RP2: variants seen among roughly 807,000 people sequenced by gnomAD.
The protein encoded by RP2 is protein XRP2.
In RP2, 3 loss-of-function variants were observed where a neutral mutation model predicts 20.3. The observed-to-expected ratio is 0.15, with a 90% CI of 0.07 to 0.38. RP2 has a LOEUF of 0.38. RP2 is among the 10% of genes least tolerant of loss of function. The pLI, the probability that RP2 is intolerant of heterozygous loss-of-function variation, is 1.00. For missense variants in RP2, 233 were observed against 268.5 expected (o/e 0.87, Z 0.92); for synonymous variants, 75 against 94.8 (o/e 0.79, Z 1.22).
intron 2 of RP2, among the ~76,000 whole-genome samples, chrX:46,858,138 C>A (rs1402267661): frequency 8.9e-6 from 1 of 112,007 alleles, no homozygotes; most frequent in Non-Finnish European, 1.9e-5. Context: ...AGGTAAGTAA[C>A]TGATTTTTTT....
At chrX:46,874,315 T>TAC (rs200313106) in intron 3 of RP2, among the ~76,000 whole-genome samples, 7 of 111,777 alleles carry the variant, frequency 6.3e-5, no homozygotes, top group Non-Finnish European at 1.3e-4. Flanking sequence ...CTAACTTAAA[T>TAC]ACACACACAC....
intron 1 of RP2, among the ~76,000 whole-genome samples, chrX:46,846,843 C>A (rs1401146570): frequency 9.0e-6 from 1 of 110,749 alleles, no homozygotes; most frequent in Non-Finnish European, 1.9e-5. Context: ...CCCACTTCAG[C>A]CTCCCAAGTA....
chrX:46,869,977 A>G (rs1459660231), intron 3 of RP2, among the ~76,000 whole-genome samples: 3 of 112,346 alleles, frequency 2.7e-5, no homozygotes, highest in African/African-American at 9.7e-5. Flanking sequence ...ATTCGTTAAC[A>G]TTGAACTCAC....
rs199798885 is a variant in RP2 at position 46,858,644 on chromosome X, A to ATT, written c.769-1336_769-1335dup. On this transcript the variant is annotated intron_variant, in intron 2 of 4. Coordinates refer to ENST00000218340, the MANE Select transcript of RP2 (RefSeq NM_006915.3). ...CACCACCACACCTGGCTAATTTTAA[A>ATT]TTTTTTTTTATAAAGATGGGGTCTT... Among the ~76,000 whole-genome samples the ATT allele has an allele frequency of 1.9e-4, 21 of 108,500 alleles. 1 individual carries two copies. The highest frequency in any genetic ancestry group is 7.1e-4 in the African/African-American group (21 of 29,724). The allele number at this position is 108,500 out of a possible 115,157, so 94.2% of individuals were successfully genotyped here. A position where few individuals can be genotyped will look rare whatever the true frequency, so the allele number is the denominator to read the frequency against.
intron 3 of RP2, among the ~76,000 whole-genome samples, chrX:46,874,578 G>T (rs1309451931): frequency 1.8e-5 from 2 of 110,615 alleles, no homozygotes; most frequent in African/African-American, 3.3e-5. Flanking sequence ...CTCATTGTTT[G>T]CTAAAACATT....
In RP2 at chrX:46,880,880, T is replaced by C. The variant is rs1403877350; in HGVS notation, c.*1111T>C. ...TCAGTCTTCAGGGGAAACTCTGTTT[T>C]AAGGGGTATGTTGTAATCTAAAGTA... On this transcript the variant is annotated 3_prime_UTR_variant, in exon 5 of 5. Transcript: ENST00000218340. The C allele has an allele frequency of 3.6e-5, 4 of 111,563 alleles. No individual in the cohort carries two copies. The highest frequency in any genetic ancestry group is 7.5e-5 in the Non-Finnish European group (4 of 53,110). 9.2% of individuals were successfully genotyped at this position (111,563 alleles called of 1,213,427 possible). A position where few individuals can be genotyped will look rare whatever the true frequency, so the allele number is the denominator to read the frequency against.
At chrX:46,844,728 G>C (rs183896823) in intron 1 of RP2, among the ~76,000 whole-genome samples, 55 of 111,551 alleles carry the variant, frequency 4.9e-4, no homozygotes, top group Admixed American at 4.6e-3. Flanking sequence ...GGTATTTCTA[G>C]TTCTAGATCC....
chrX:46,876,986 A>G (rs1556327759), intron 3 of RP2, among the ~76,000 whole-genome samples: 1 of 112,143 alleles, frequency 8.9e-6, no homozygotes, highest in Non-Finnish European at 1.9e-5. Context: ...TTTAAGACAC[A>G]CTCAAGGAAA....
intron 3 of RP2, among the ~76,000 whole-genome samples, chrX:46,873,533 G>A (rs1925325488): frequency 9.0e-6 from 1 of 111,721 alleles, no homozygotes; most frequent in African/African-American, 3.3e-5. Context: ...GTAGTGCTTA[G>A]CAAGTGCATT....
chrX:46,854,827 C>T lies in RP2; in HGVS notation c.768+686C>T, dbSNP rs1412273042. ...GTCACCCAGCCGGAGTGCAGTGGTG[C>T]GATCTCGGCTCACCGCAACTTCTGC... On this transcript the variant is annotated intron_variant, in intron 2 of 4. Coordinates refer to ENST00000218340, the MANE Select transcript of RP2 (RefSeq NM_006915.3). Among the ~76,000 whole-genome samples the T allele has an allele frequency of 3.7e-5, 4 of 109,554 alleles. No individual in the cohort carries two copies. The South Asian group carries it at 1.2e-3, about 32-fold the overall frequency.
At chrX:46,847,802 A>G (rs782630442) in intron 1 of RP2, among the ~76,000 whole-genome samples, 16 of 80,111 alleles carry the variant, frequency 2.0e-4, no homozygotes, top group African/African-American at 7.4e-4. Context: ...GTGTGTGTAT[A>G]TATATACACA....
In RP2 at chrX:46,867,203, C is replaced by T. The variant is rs781995813; in HGVS notation, c.883+7101C>T. Reference sequence around the variant, plus strand: ...GCAACCTCCACCTCCTGGGTTCAAGCGATTCTCCTGCCTCAGCTTCCCGAG... The same window carrying T: ...GCAACCTCCACCTCCTGGGTTCAAGTGATTCTCCTGCCTCAGCTTCCCGAG... On this transcript the variant is annotated intron_variant, in intron 3 of 4. Coordinates refer to ENST00000218340, the MANE Select transcript of RP2 (RefSeq NM_006915.3). Among the ~76,000 whole-genome samples the T allele has an allele frequency of 3.6e-4, 40 of 111,441 alleles. 1 individual carries two copies. The highest frequency in any genetic ancestry group is 5.6e-4 in the East Asian group (2 of 3,578).
chrX:46,881,460 A>G lies in RP2; in HGVS notation c.*1691A>G, dbSNP rs1482819283. The G allele has an allele frequency of 9.1e-6, 1 of 109,510 alleles. No individual in the cohort carries two copies. Among genetic ancestry groups the G allele is most frequent in the African/African-American group, 3.4e-5 (1 of 29,557 alleles). 9.0% of individuals were successfully genotyped at this position (109,510 alleles called of 1,213,427 possible). A position where few individuals can be genotyped will look rare whatever the true frequency, so the allele number is the denominator to read the frequency against. The stretch of plus-strand genomic sequence containing the variant: ...ATTAAAGGGACTCCATCCTGTTATG[A>G]TTATATTATTATTATTATTATTATT... On this transcript the variant is annotated 3_prime_UTR_variant, in exon 5 of 5. Coordinates refer to ENST00000218340, the MANE Select transcript of RP2 (RefSeq NM_006915.3).
intron 3 of RP2, among the ~76,000 whole-genome samples, chrX:46,873,490 GTGT>G (rs1556327128): frequency 8.9e-6 from 1 of 112,218 alleles, no homozygotes; most frequent in African/African-American, 3.2e-5. Flanking sequence ...TTTAACAAGT[GTGT>G]TGTCAACATT....
intron 1 of RP2, among the ~76,000 whole-genome samples, chrX:46,847,929 CAT>C (rs10533014): frequency 0.37 from 30,148 of 81,917 alleles, 5,003 homozygotes; most frequent in Middle Eastern, 0.45. Context: ...TGTGTATATA[CAT>C]ATATATATAT....
At chrX:46,873,599 T>C (rs188764141) in intron 3 of RP2, among the ~76,000 whole-genome samples, 261 of 111,641 alleles carry the variant, frequency 2.3e-3, no homozygotes, top group Non-Finnish European at 3.8e-3. Flanking sequence ...ATGAAAAGAA[T>C]GCATAAACAA....
At chrX:46,852,920 G>C (rs899755502) in intron 1 of RP2, among the ~76,000 whole-genome samples, 23 of 111,351 alleles carry the variant, frequency 2.1e-4, no homozygotes, top group Non-Finnish European at 3.8e-4. Context: ...TAAAAATGAA[G>C]CATCAAAAAA....
chrX:46,856,699 T>G (rs1924965940), intron 2 of RP2, among the ~76,000 whole-genome samples: 1 of 111,786 alleles, frequency 8.9e-6, no homozygotes, highest in South Asian at 3.7e-4. Context: ...TAAAGGAAAG[T>G]TGCTGAATGC....
chrX:46,864,070 G>A (rs1448519532), intron 3 of RP2, among the ~76,000 whole-genome samples: 1 of 111,078 alleles, frequency 9.0e-6, no homozygotes, highest in African/African-American at 3.3e-5. Context: ...CCAGCACTTT[G>A]GGAGGCTGAG....
Sources: gnomAD v4.1 joint callset for allele counts (sites outside exome capture counted in the v4.1 genomes callset) on GRCh38, gnomAD v4.1.1 for gene constraint, MANE v1.5 for transcripts, NCBI Gene and HGNC (gene_info 2026-07-23, HGNC 2026-07-21) for gene names.